The following CCSER1 variants were observed in gnomAD, a reference collection of about 807,000 sequenced individuals.
The protein encoded by CCSER1 is serine-rich coiled-coil domain-containing protein 1.
CCSER1 carries 41 observed loss-of-function variants against 82.0 expected under a neutral mutation model. The ratio of observed to expected loss-of-function variants is 0.50; its 90% CI spans 0.39 to 0.65. CCSER1 has a LOEUF of 0.65. Ranked by LOEUF, CCSER1 falls within the 30% of genes least tolerant of loss-of-function variation. The pLI is 0.00. For synonymous variants in CCSER1, 414 were observed against 383.9 expected (o/e 1.08, Z -0.92); for missense variants, 1,119 against 1,064.2 (o/e 1.05, Z -0.72).
chr4:91,178,460 A>T (rs1043454006), intron 10 of CCSER1, among the ~76,000 whole-genome samples: 1 of 152,068 alleles, frequency 6.6e-6, no homozygotes, highest in Non-Finnish European at 1.5e-5. Context: ...TTTGTAGGTC[A>T]CTAAGGACTT....
chr4:91,227,103 G>T (rs1370026637), intron 10 of CCSER1, among the ~76,000 whole-genome samples: 1 of 151,834 alleles, frequency 6.6e-6, no homozygotes, highest in Admixed American at 6.6e-5. Context: ...TGTATTATTA[G>T]TTAGCTATGT....
At position 90,831,870 on chromosome 4, in the gene CCSER1, G is replaced by A. The variant is rs1761155979; in HGVS notation, c.2094+16025G>A. 4.6e-5 allele frequency among the ~76,000 whole-genome samples: 7 copies of A among 152,060 alleles called. No homozygotes were observed. The South Asian group carries it at 1.5e-3, about 32-fold the overall frequency. On this transcript the variant is annotated intron_variant, in intron 8 of 10. Transcript: ENST00000509176. Reference sequence around the variant, plus strand: ...CCTAATATTCCACTACCTCAATATAGCCTTTTTGATATATTCATATGTCTC... The same window carrying A: ...CCTAATATTCCACTACCTCAATATAACCTTTTTGATATATTCATATGTCTC...
intron 1 of CCSER1, among the ~76,000 whole-genome samples, chr4:90,253,185 AT>A (rs1318090092): frequency 2.1e-4 from 32 of 152,168 alleles, no homozygotes; most frequent in Admixed American, 7.9e-4. Context: ...CAACAATATA[AT>A]TATGTACATA....
chr4:90,567,277 T>C (rs570271469), intron 5 of CCSER1, among the ~76,000 whole-genome samples: 1 of 151,782 alleles, frequency 6.6e-6, no homozygotes, highest in African/African-American at 2.4e-5. Context: ...GGTTTTGATA[T>C]GTTATGTTTC....
rs901985146 is a variant in CCSER1 at position 90,458,933 on chromosome 4, C to T, written c.1604-9301C>T. Among the ~76,000 whole-genome samples, 11 of 151,994 alleles carry T rather than the reference C, an allele frequency of 7.2e-5. No individual in the cohort carries two copies. In the East Asian group the frequency reaches 9.6e-4, roughly 13 times the overall value. On this transcript the variant is annotated intron_variant, in intron 4 of 10. Coordinates refer to ENST00000509176, the MANE Select transcript of CCSER1 (RefSeq NM_001145065.2). ...GGTGGCTGTGCAATGGAGAAAATGC[C>T]GATAAAGTTTTTAATAGCTAATTTA...
intron 10 of CCSER1, among the ~76,000 whole-genome samples, chr4:91,146,571 T>C (rs1729559252): frequency 1.4e-5 from 1 of 72,844 alleles, no homozygotes; most frequent in Non-Finnish European, 3.6e-5. Flanking sequence ...TTTCTTTCTT[T>C]ATCTTCTTCT....
chr4:90,293,384 AATTT>A (rs1407990548), intron 1 of CCSER1, among the ~76,000 whole-genome samples: 1 of 151,558 alleles, frequency 6.6e-6, no homozygotes, highest in East Asian at 1.9e-4. Flanking sequence ...TCTAAAAGGC[AATTT>A]ATTTTTATCA....
chr4:90,538,556 G>T (rs923447901), intron 5 of CCSER1, among the ~76,000 whole-genome samples: 1 of 151,976 alleles, frequency 6.6e-6, no homozygotes, highest in South Asian at 2.1e-4. Context: ...CATTTTCTCA[G>T]ATTTGTTTCT....
intron 10 of CCSER1, among the ~76,000 whole-genome samples, chr4:91,181,193 C>A (rs1181144606): frequency 1.3e-5 from 2 of 152,218 alleles, no homozygotes; most frequent in African/African-American, 4.8e-5. Flanking sequence ...CTGCTCCCAC[C>A]ATGTCCCCCT....
At chr4:91,241,319 T>C (rs1739342115) in intron 10 of CCSER1, among the ~76,000 whole-genome samples, 1 of 49,450 alleles carries the variant, frequency 2.0e-5, no homozygotes, top group African/African-American at 1.0e-4. Flanking sequence ...TCTCTACTCA[T>C]AAAATACATT....
intron 10 of CCSER1, among the ~76,000 whole-genome samples, chr4:91,551,068 A>G (rs938410049): frequency 6.6e-6 from 1 of 152,118 alleles, no homozygotes; most frequent in Admixed American, 6.6e-5. Context: ...TCAAACTACT[A>G]TATTTCTAGG....
intron 1 of CCSER1, among the ~76,000 whole-genome samples, chr4:90,156,391 A>G (rs1330579053): frequency 1.3e-5 from 2 of 152,128 alleles, no homozygotes; most frequent in African/African-American, 4.8e-5. Flanking sequence ...TATTAGGTCC[A>G]CTTCGTGCAG....
intron 5 of CCSER1, among the ~76,000 whole-genome samples, chr4:90,478,674 A>C (rs1193634595): frequency 2.0e-5 from 3 of 152,098 alleles, no homozygotes; most frequent in Non-Finnish European, 2.9e-5. Context: ...CATGGAGATT[A>C]AGTAACTTGT....
intron 8 of CCSER1, among the ~76,000 whole-genome samples, chr4:90,864,837 A>G (rs1765544463): frequency 1.3e-5 from 2 of 152,040 alleles, no homozygotes; most frequent in Admixed American, 6.6e-5. Flanking sequence ...GAACTATGCT[A>G]TGTCTAGCAT....
chr4:90,662,951 A>G (rs56005906), intron 6 of CCSER1, among the ~76,000 whole-genome samples: 77,870 of 151,902 alleles, frequency 0.51, 20,206 homozygotes, highest in Middle Eastern at 0.67. Flanking sequence ...CAACAAAATC[A>G]TATTTCTAAT....
chr4:90,473,291 T>C (rs1764644388), intron 5 of CCSER1, among the ~76,000 whole-genome samples: 1 of 152,204 alleles, frequency 6.6e-6, no homozygotes, highest in African/African-American at 2.4e-5. Flanking sequence ...GAAGGGATTT[T>C]TGTGACCATT....
chr4:91,173,674 C>G (rs1332743484), intron 10 of CCSER1, among the ~76,000 whole-genome samples: 1 of 151,026 alleles, frequency 6.6e-6, no homozygotes, highest in Non-Finnish European at 1.5e-5. Flanking sequence ...CAGGAAAAGA[C>G]TGGAGTATGC....
chr4:91,417,669 C>T (rs1262497560), intron 10 of CCSER1, among the ~76,000 whole-genome samples: 1 of 151,544 alleles, frequency 6.6e-6, no homozygotes, highest in Non-Finnish European at 1.5e-5. Context: ...TGTTTAGGAA[C>T]AACACACACT....
At chr4:90,505,217 G>A (rs917597993) in intron 5 of CCSER1, among the ~76,000 whole-genome samples, 1 of 152,226 alleles carries the variant, frequency 6.6e-6, no homozygotes, top group African/African-American at 2.4e-5. Context: ...GAGAGAAGGG[G>A]CAACAGATGG....
Sources: allele counts gnomAD v4.1 joint callset (sites outside exome capture counted in the v4.1 genomes callset), GRCh38; gene constraint gnomAD v4.1.1; transcripts MANE v1.5; gene names NCBI Gene and HGNC (gene_info 2026-07-23, HGNC 2026-07-21).